Variants in FREM1 observed in about 807,000 individuals in gnomAD.
The protein encoded by FREM1 is FRAS1 related extracellular matrix 1, also known as FRAS1-related extracellular matrix protein 1.
In FREM1, 220 loss-of-function variants were observed where a neutral mutation model predicts 210.1. The ratio of observed to expected loss-of-function variants is 1.05; its 90% CI spans 0.94 to 1.17. The LOEUF (loss-of-function observed/expected upper bound fraction) is 1.17. Among genes scored for constraint, FREM1 ranks in the 50% most tolerant of loss-of-function variants. The probability of loss-of-function intolerance (pLI) is 0.00; values close to 1 mark genes in which losing one functional copy is unlikely to be tolerated. For missense variants in FREM1, 3,454 were observed against 2,675.5 expected, an observed-to-expected ratio of 1.29 and a Z score of -6.42; for synonymous variants, 1,189 against 980.2, an observed-to-expected ratio of 1.21 and a Z score of -3.98.
intron 3 of FREM1, among the ~76,000 whole-genome samples, chr9:14,860,019 C>A (rs1829512875): frequency 6.6e-6 from 1 of 152,118 alleles, no homozygotes; most frequent in Non-Finnish European, 1.5e-5. Context: ...CAACTTTAAT[C>A]TCAGGTTGTT....
intron 16 of FREM1, among the ~76,000 whole-genome samples, chr9:14,811,289 C>A (rs971328609): frequency 8.5e-5 from 13 of 152,256 alleles, no homozygotes; most frequent in African/African-American, 3.1e-4. Context: ...TGCTACACTA[C>A]AGGAGATTTA....
At chr9:14,742,135 A>AT (rs1301070802) in intron 35 of FREM1, among the ~76,000 whole-genome samples, 13 of 152,218 alleles carry the variant, frequency 8.5e-5, no homozygotes, top group African/African-American at 2.7e-4. Flanking sequence ...TATTATCTGT[A>AT]TAGGTGTATA....
In FREM1 at chr9:14,797,642, C is replaced by A; in HGVS notation, c.3695G>T (p.Gly1232Val). The change falls in exon 21 of 37, where the codon GGA (glycine) becomes GTA (valine). Residue 1232 changes from glycine (G) to valine (V), a missense_variant and splice_region_variant. By Grantham distance (109) the Gly-to-Val change is moderately radical. Coordinates refer to ENST00000380880, the MANE Select transcript of FREM1 (RefSeq NM_001379081.2). ...HSFSMELLKT[G>V]MRLTYMHDDS... ...ATCATGCATGTACGTCAACCTCATT[C>A]CTGGAAGAAGGAAAAAAAATAAGTA... 6.2e-7 allele frequency: 1 copy of A among 1,607,848 alleles called. No homozygotes were observed. The highest frequency in any genetic ancestry group is 1.1e-5 in the South Asian group (1 of 89,936).
At chr9:14,835,760 C>T (rs1285696529) in intron 10 of FREM1, among the ~76,000 whole-genome samples, 1 of 152,212 alleles carries the variant, frequency 6.6e-6, no homozygotes, top group African/African-American at 2.4e-5. Context: ...ATTCTTGCTG[C>T]ACTTTATGCA....
chr9:14,773,630 G>T lies in FREM1; in HGVS notation c.4857+2159C>A, dbSNP rs1848003587. ...ATTTTTTTTTTTTTTTGCAAGGAAA[G>T]CCTTATACTTTTGACAAAAAAAAAG... On this transcript the variant is annotated intron_variant, in intron 25 of 36. Transcript: ENST00000380880. Among the ~76,000 whole-genome samples, 5 of 144,448 alleles carry T rather than the reference G, an allele frequency of 3.5e-5. No individual in the cohort carries two copies. The South Asian group carries it at 1.1e-3, about 32-fold the overall frequency. 94.8% of individuals were successfully genotyped at this position (144,448 alleles called of 152,430 possible). A position where few individuals can be genotyped will look rare whatever the true frequency, so the allele number is the denominator to read the frequency against.
At chr9:14,833,736 A>G (rs1336534332) in intron 10 of FREM1, among the ~76,000 whole-genome samples, 6 of 152,220 alleles carry the variant, frequency 3.9e-5, no homozygotes, top group Admixed American at 3.9e-4. Context: ...TTAGAGGTAT[A>G]TTTAAAAGGC....
chr9:14,804,319 C>T (rs1451667192), intron 19 of FREM1, among the ~76,000 whole-genome samples: 2 of 152,212 alleles, frequency 1.3e-5, no homozygotes, highest in African/African-American at 2.4e-5. Context: ...GGTGCGGTGG[C>T]TCATGCCTGT....
At chr9:14,821,449 T>C (rs953018356) in intron 13 of FREM1, among the ~76,000 whole-genome samples, 1 of 152,244 alleles carries the variant, frequency 6.6e-6, no homozygotes, top group Non-Finnish European at 1.5e-5. Flanking sequence ...CATTTCTCCA[T>C]GATTGTTTTA....
rs1166856046 is a variant in FREM1 at position 14,756,429 on chromosome 9, A to C, written c.5352T>G (p.Ala1784=). ...FVGIKVNQVS[A]AVGKDFTVIP... is the part of the protein sequence containing the mutation. ...TCACGGTGAAATCTTTTCCAACTGCAGCTGACACTTGGTTGACCTTAGGAG... is the reference window on the plus strand; with the variant it reads ...TCACGGTGAAATCTTTTCCAACTGCCGCTGACACTTGGTTGACCTTAGGAG... Residue 1784 remains alanine (A), a synonymous_variant, in exon 29 of 37, where the codon GCT becomes GCG. Transcript: ENST00000380880. 1.3e-6 allele frequency: 2 copies of C among 1,599,604 alleles called. No individual in the cohort carries two copies. The highest frequency in any genetic ancestry group is 8.5e-7 in the Non-Finnish European group (1 of 1,172,472).
intron 29 of FREM1, among the ~76,000 whole-genome samples, chr9:14,754,862 A>T (rs1419130613): frequency 6.6e-6 from 1 of 152,162 alleles, no homozygotes; most frequent in African/African-American, 2.4e-5. Flanking sequence ...TGAACCCAGG[A>T]GGCAGAGGTT....
intron 2 of FREM1, among the ~76,000 whole-genome samples, chr9:14,864,904 G>C (rs1457139645): frequency 1.3e-5 from 2 of 152,196 alleles, no homozygotes; most frequent in African/African-American, 2.4e-5. Context: ...AGGAGATAAA[G>C]CAAAGACCTT....
intron 15 of FREM1, among the ~76,000 whole-genome samples, 185 bp downstream of exon 15, chr9:14,816,593 A>G (rs1413012781): frequency 4.6e-5 from 7 of 152,126 alleles, no homozygotes; most frequent in Non-Finnish European, 1.0e-4. Context: ...CTGCCCTTCC[A>G]TCATAGGGTG....
chr9:14,888,975 CATA>C (rs1378705270), intron 1 of FREM1, among the ~76,000 whole-genome samples: 1 of 152,112 alleles, frequency 6.6e-6, no homozygotes, highest in Non-Finnish European at 1.5e-5. Flanking sequence ...TTTTTATTAA[CATA>C]ATGTTCTATT....
chr9:14,790,141 G>A (rs1024593866), intron 22 of FREM1, among the ~76,000 whole-genome samples: 4 of 152,124 alleles, frequency 2.6e-5, no homozygotes, highest in African/African-American at 9.7e-5. Flanking sequence ...AGGGGAGGTG[G>A]CACAGCAGTG....
chr9:14,860,875 G>GTA (rs1491245202), intron 3 of FREM1, among the ~76,000 whole-genome samples: 946 of 30,686 alleles, frequency 0.031, 187 homozygotes, highest in Middle Eastern at 0.05. Context: ...ATATATATAC[G>GTA]TATATATACA....
chr9:14,887,817 T>A (rs1277241366), intron 1 of FREM1, among the ~76,000 whole-genome samples: 2 of 152,188 alleles, frequency 1.3e-5, no homozygotes, highest in Non-Finnish European at 2.9e-5. Flanking sequence ...ATTTCATACA[T>A]AAATATACAG....
At chr9:14,751,458 G>A (rs1223458068) in intron 29 of FREM1, among the ~76,000 whole-genome samples, 1 of 152,122 alleles carries the variant, frequency 6.6e-6, no homozygotes, top group Admixed American at 6.5e-5. Context: ...AGACCAACCT[G>A]GCCAACAGAG....
chr9:14,778,420 G>A (rs1266267361), intron 24 of FREM1, among the ~76,000 whole-genome samples: 1 of 151,204 alleles, frequency 6.6e-6, no homozygotes, highest in South Asian at 2.1e-4. Context: ...ATATCAGCCT[G>A]GGTAACATGG....
At position 14,784,719 on chromosome 9, in the gene FREM1, C is replaced by G. The variant is rs189673095; in HGVS notation, c.4178-85G>C. The G allele has an allele frequency of 3.8e-5, 40 of 1,051,612 alleles. No homozygotes were observed. In the East Asian group the frequency reaches 1.1e-3, roughly 28 times the overall value. The allele number at this position is 1,051,612 out of a possible 1,614,324, so 65.1% of individuals were successfully genotyped here. ...CAAAGGCAGAAGACAAAGGCCAAAACTGTGCAAAAATCAAAATTAATACGA... is the reference window on the plus strand; with the variant it reads ...CAAAGGCAGAAGACAAAGGCCAAAAGTGTGCAAAAATCAAAATTAATACGA... On this transcript the variant is annotated intron_variant, in intron 23 of 36. Transcript: ENST00000380880.
Sources: gnomAD v4.1 joint callset for allele counts (sites outside exome capture counted in the v4.1 genomes callset) on GRCh38, gnomAD v4.1.1 for gene constraint, MANE v1.5 for transcripts, NCBI Gene and HGNC (gene_info 2026-07-23, HGNC 2026-07-21) for gene names.